Variants in ULK4 observed in about 807,000 individuals in gnomAD.
ULK4 encodes the protein unc-51 like kinase 4.
In ULK4, 133 loss-of-function variants were observed where a neutral mutation model predicts 160.6. That is an observed-to-expected ratio of 0.83 (90% CI 0.72 to 0.96). The LOEUF (loss-of-function observed/expected upper bound fraction) is 0.96. Ranked by LOEUF, ULK4 falls within the 40% of genes least tolerant of loss-of-function variation. The pLI is 0.00. For synonymous variants in ULK4, 534 were observed against 539.8 expected (o/e 0.99, Z 0.15); for missense variants, 1,580 against 1,499.5 (o/e 1.05, Z -0.89).
At position 41,372,917 on chromosome 3, in the gene ULK4, T is replaced by G. The variant is rs137856181; in HGVS notation, c.3678+25162A>C. Among the ~76,000 whole-genome samples the G allele has an allele frequency of 2.9e-3, 444 of 152,202 alleles. 2 individuals are homozygous for G. The highest frequency in any genetic ancestry group is 0.015 in the East Asian group (78 of 5,176). On this transcript the variant is annotated intron_variant, in intron 35 of 36. Transcript: ENST00000301831. The stretch of plus-strand genomic sequence containing the variant: ...CCCATCTCACATGCAAAGACACTCA[T>G]AGGCTCAAAATAAAGGGATGAAGGA...
intron 35 of ULK4, among the ~76,000 whole-genome samples, chr3:41,365,623 T>G (rs1302900121): frequency 6.6e-6 from 1 of 152,196 alleles, no homozygotes; most frequent in Non-Finnish European, 1.5e-5. Context: ...GTCTAGTTTT[T>G]TATGATAGAA....
chr3:41,403,151 C>CA (rs34741515), intron 34 of ULK4, among the ~76,000 whole-genome samples: 374 of 133,362 alleles, frequency 2.8e-3, no homozygotes, highest in East Asian at 6.5e-3. Flanking sequence ...AACTCCGTCT[C>CA]AAAAAAAAAA....
At chr3:41,305,594 C>T (rs891347009) in intron 35 of ULK4, among the ~76,000 whole-genome samples, 14 of 152,324 alleles carry the variant, frequency 9.2e-5, no homozygotes, top group Admixed American at 2.6e-4. Context: ...CAGCCGCCTG[C>T]CTTGGCCTCC....
chr3:41,827,320 TGAA>T (rs2041396701), intron 18 of ULK4, among the ~76,000 whole-genome samples: 1 of 151,438 alleles, frequency 6.6e-6, no homozygotes, highest in Non-Finnish European at 1.5e-5. Flanking sequence ...AGAGCAGAAC[TGAA>T]GGAGACAGAG....
At chr3:41,780,537 G>A (rs924251850) in intron 21 of ULK4, among the ~76,000 whole-genome samples, 16 of 152,034 alleles carry the variant, frequency 1.1e-4, no homozygotes, top group African/African-American at 3.9e-4. Context: ...TGCCAGCAAG[G>A]CTACAATTGA....
intron 35 of ULK4, among the ~76,000 whole-genome samples, chr3:41,261,397 G>A (rs1230556362): frequency 6.6e-6 from 1 of 152,156 alleles, no homozygotes; most frequent in African/African-American, 2.4e-5. Flanking sequence ...AGGTCAGCTA[G>A]CCAGCAAGCA....
chr3:41,913,370 C>A (rs925629584), intron 8 of ULK4, among the ~76,000 whole-genome samples: 3 of 151,930 alleles, frequency 2.0e-5, no homozygotes, highest in Non-Finnish European at 4.4e-5. Context: ...GGACTACAGG[C>A]GTCCGCCACC....
intron 27 of ULK4, among the ~76,000 whole-genome samples, chr3:41,698,173 C>T (rs1575582196): frequency 6.6e-6 from 1 of 152,178 alleles, no homozygotes; most frequent in African/African-American, 2.4e-5. Flanking sequence ...ACCAAAAAAT[C>T]ACCAAACAAG....
At chr3:41,264,212 G>A (rs1200928522) in intron 35 of ULK4, among the ~76,000 whole-genome samples, 1 of 152,244 alleles carries the variant, frequency 6.6e-6, no homozygotes, top group Non-Finnish European at 1.5e-5. Flanking sequence ...AAAGGTTGCA[G>A]AAGCAGGGAC....
At chr3:41,306,162 C>T (rs1433305478) in intron 35 of ULK4, among the ~76,000 whole-genome samples, 4 of 108,590 alleles carry the variant, frequency 3.7e-5, no homozygotes, top group Admixed American at 8.6e-5. Context: ...CCAGGCCAGC[C>T]GCCCCATCCG....
At chr3:41,828,264 C>T (rs922894393) in intron 18 of ULK4, among the ~76,000 whole-genome samples, 4 of 145,024 alleles carry the variant, frequency 2.8e-5, no homozygotes, top group African/African-American at 7.8e-5. Flanking sequence ...TCTCTCACCA[C>T]TCCTATTCAA....
chr3:41,862,000 C>T (rs11718429), intron 17 of ULK4, among the ~76,000 whole-genome samples: 13,009 of 151,852 alleles, frequency 0.086, 763 homozygotes, highest in Non-Finnish European at 0.13. Flanking sequence ...TTTGTAGAGA[C>T]GGGGTTTCAC....
chr3:41,679,496 G>A (rs1176716081), intron 29 of ULK4, among the ~76,000 whole-genome samples: 2 of 152,124 alleles, frequency 1.3e-5, no homozygotes, highest in African/African-American at 2.4e-5. Flanking sequence ...TTCAAGTTGT[G>A]TAATACAAGC....
intron 21 of ULK4, among the ~76,000 whole-genome samples, chr3:41,772,606 A>C (rs2039434707): frequency 6.6e-6 from 1 of 152,192 alleles, no homozygotes; most frequent in South Asian, 2.1e-4. Flanking sequence ...AAAGTCCAGG[A>C]CCAGATGGAT....
intron 23 of ULK4, among the ~76,000 whole-genome samples, chr3:41,716,637 T>C (rs1275392162): frequency 6.6e-6 from 1 of 152,186 alleles, no homozygotes; most frequent in Non-Finnish European, 1.5e-5. Context: ...TGTTCTGAAT[T>C]CCTGAAACTA....
At chr3:41,477,275 C>A (rs563866704) in intron 32 of ULK4, among the ~76,000 whole-genome samples, 1 of 152,342 alleles carries the variant, frequency 6.6e-6, no homozygotes, top group South Asian at 2.1e-4. Flanking sequence ...TATACATGAA[C>A]TGTTCCCAAC....
intron 32 of ULK4, among the ~76,000 whole-genome samples, chr3:41,495,755 A>C (rs939187471): frequency 1.3e-5 from 2 of 151,914 alleles, no homozygotes; most frequent in Non-Finnish European, 2.9e-5. Flanking sequence ...AACCCCATCA[A>C]AAAGTGGGCA....
Position 41,811,030 on chromosome 3 carries a change from T to G in ULK4, c.1848+8393A>C, listed in dbSNP as rs557957512. ...TCCAGAGTAGCTGGGACTACAGGCA[T>G]GCACCACTACACTGGGCTAATTTTA... On this transcript the variant is annotated intron_variant, in intron 19 of 36. Transcript: ENST00000301831. 2.0e-5 allele frequency among the ~76,000 whole-genome samples: 3 copies of G among 151,852 alleles called. No individual in the cohort carries two copies. In the South Asian group the frequency reaches 6.2e-4, roughly 32 times the overall value.
At chr3:41,586,912 A>G (rs1162785558) in intron 31 of ULK4, among the ~76,000 whole-genome samples, 1 of 152,154 alleles carries the variant, frequency 6.6e-6, no homozygotes, top group Non-Finnish European at 1.5e-5. Flanking sequence ...TAGTATTAAT[A>G]AATTATTAAT....
Sources: allele counts gnomAD v4.1 joint callset (sites outside exome capture counted in the v4.1 genomes callset), GRCh38; gene constraint gnomAD v4.1.1; transcripts MANE v1.5; gene names NCBI Gene and HGNC (gene_info 2026-07-23, HGNC 2026-07-21).